The following ADARB2 variants were observed in gnomAD, a reference collection of about 807,000 sequenced individuals.
ADARB2 encodes the protein inactive double-stranded RNA-specific editase B2.
ADARB2 carries 25 observed loss-of-function variants against 62.2 expected under a neutral mutation model. The ratio of observed to expected loss-of-function variants is 0.40; its 90% CI spans 0.29 to 0.56. The LOEUF is 0.56. ADARB2 is among the 20% of genes least tolerant of loss of function. The pLI is 0.43. For synonymous variants in ADARB2, 572 were observed against 500.8 expected, an observed-to-expected ratio of 1.14 and a Z score of -1.90; for missense variants, 1,071 against 1,077.4, an observed-to-expected ratio of 0.99 and a Z score of 0.08.
chr10:1,198,888 C>T (rs1836945298), intron 8 of ADARB2, among the ~76,000 whole-genome samples: 1 of 152,228 alleles, frequency 6.6e-6, no homozygotes, highest in Non-Finnish European at 1.5e-5. Flanking sequence ...GCTCCGTTGA[C>T]GGTGGCTTGG....
intron 1 of ADARB2, among the ~76,000 whole-genome samples, chr10:1,656,345 A>G (rs1834172068): frequency 6.6e-6 from 1 of 152,196 alleles, no homozygotes; most frequent in Non-Finnish European, 1.5e-5. Flanking sequence ...CCAGCCTCCC[A>G]GGGTCCACGT....
intron 1 of ADARB2, among the ~76,000 whole-genome samples, chr10:1,682,027 G>A (rs1383545653): frequency 3.9e-5 from 6 of 152,164 alleles, no homozygotes; most frequent in African/African-American, 9.7e-5. Flanking sequence ...TTTAACAGAC[G>A]CATATTTATG....
At chr10:1,567,919 C>T (rs1029091733) in intron 1 of ADARB2, among the ~76,000 whole-genome samples, 3 of 152,214 alleles carry the variant, frequency 2.0e-5, no homozygotes, top group African/African-American at 7.2e-5. Flanking sequence ...TGCCCTTTGC[C>T]TCCTGCCTGC....
chr10:1,465,940 A>G (rs1035842256), intron 1 of ADARB2, among the ~76,000 whole-genome samples: 1 of 152,240 alleles, frequency 6.6e-6, no homozygotes, highest in African/African-American at 2.4e-5. Context: ...CTGTTGCAAT[A>G]AACTGCTTTC....
At chr10:1,551,218 A>G (rs1370780874) in intron 1 of ADARB2, among the ~76,000 whole-genome samples, 4 of 152,212 alleles carry the variant, frequency 2.6e-5, no homozygotes, top group Non-Finnish European at 5.9e-5. Flanking sequence ...GAGAGGCCTC[A>G]GGAGGAACCA....
At chr10:1,287,463 T>C (rs1232438168) in intron 3 of ADARB2, among the ~76,000 whole-genome samples, 1 of 152,184 alleles carries the variant, frequency 6.6e-6, no homozygotes, top group Non-Finnish European at 1.5e-5. Context: ...CCATGCTGTG[T>C]GACAGATCCC....
chr10:1,626,478 G>T (rs769867075), intron 1 of ADARB2, among the ~76,000 whole-genome samples: 20 of 152,274 alleles, frequency 1.3e-4, no homozygotes, highest in Non-Finnish European at 2.6e-4. Context: ...GAACTCCGGG[G>T]CTTCCTCTGC....
At chr10:1,631,911 C>T (rs1833848573) in intron 1 of ADARB2, among the ~76,000 whole-genome samples, 1 of 152,198 alleles carries the variant, frequency 6.6e-6, no homozygotes, top group Non-Finnish European at 1.5e-5. Context: ...TCACCTTCTT[C>T]TTCTGAAACT....
chr10:1,302,577 G>A (rs1292263062), intron 3 of ADARB2, among the ~76,000 whole-genome samples: 37 of 139,552 alleles, frequency 2.7e-4, no homozygotes, highest in Middle Eastern at 3.9e-3. Context: ...TGGGGGCAGG[G>A]CACAGACAAA....
chr10:1,190,913 T>C (rs572707849), intron 8 of ADARB2, among the ~76,000 whole-genome samples: 1 of 152,294 alleles, frequency 6.6e-6, no homozygotes, highest in East Asian at 1.9e-4. Flanking sequence ...GGGAGTGAAC[T>C]TCGGGACTGG....
chr10:1,459,950 C>A, intron 1 of ADARB2, among the ~76,000 whole-genome samples: 1 of 143,008 alleles, frequency 7.0e-6, no homozygotes, highest in Non-Finnish European at 1.5e-5. Context: ...GCGTTACGAA[C>A]CTGCCTGTGA....
At chr10:1,636,822 ATATAT>A (rs1163223404) in intron 1 of ADARB2, among the ~76,000 whole-genome samples, 6 of 148,460 alleles carry the variant, frequency 4.0e-5, no homozygotes, top group South Asian at 2.1e-4. Flanking sequence ...TATATATGTC[ATATAT>A]TATATAACAT....
At chr10:1,632,843 C>T (rs1423751574) in intron 1 of ADARB2, among the ~76,000 whole-genome samples, 5 of 152,226 alleles carry the variant, frequency 3.3e-5, no homozygotes, top group Non-Finnish European at 7.3e-5. Context: ...GGGCTTGGGG[C>T]TGCCCAGGGG....
intron 1 of ADARB2, among the ~76,000 whole-genome samples, chr10:1,440,292 G>T (rs1377088616): frequency 6.6e-6 from 1 of 152,178 alleles, no homozygotes; most frequent in Admixed American, 6.5e-5. Context: ...ATTCCAAACT[G>T]AACATGGCCA....
chr10:1,567,891 G>A (rs1314183297), intron 1 of ADARB2, among the ~76,000 whole-genome samples: 2 of 152,182 alleles, frequency 1.3e-5, no homozygotes, highest in African/African-American at 4.8e-5. Flanking sequence ...CCCGGGATCT[G>A]ATCCTGACTC....
chr10:1,375,890 C>G (rs543211610), intron 2 of ADARB2, among the ~76,000 whole-genome samples: 1 of 150,698 alleles, frequency 6.6e-6, no homozygotes, highest in South Asian at 2.1e-4. Context: ...AACTCCCACA[C>G]CACACACGTG....
intron 1 of ADARB2, among the ~76,000 whole-genome samples, chr10:1,628,287 G>T (rs1484228804): frequency 6.6e-6 from 1 of 152,256 alleles, no homozygotes; most frequent in Admixed American, 6.5e-5. Context: ...AACCCTGCTA[G>T]CCGTGGGTAG....
At position 1,538,830 on chromosome 10, in the gene ADARB2, G is replaced by A. The variant is rs185760668; in HGVS notation, c.101-159670C>T. On this transcript the variant is annotated intron_variant, in intron 1 of 9. Transcript: ENST00000381312. ...ATGCCGCCTGACCCTGGCTGCTGCC[G>A]CATGCAGTGGACACTCAGTTCCACC... Among the ~76,000 whole-genome samples, 4 of 152,270 alleles carry A rather than the reference G, an allele frequency of 2.6e-5. No homozygotes were observed. In the East Asian group the frequency reaches 5.8e-4, roughly 22 times the overall value.
At chr10:1,336,372 T>G (rs1266840774) in intron 3 of ADARB2, among the ~76,000 whole-genome samples, 2 of 152,236 alleles carry the variant, frequency 1.3e-5, no homozygotes, top group Non-Finnish European at 2.9e-5. Context: ...CTCAGTGTCT[T>G]AAATACCCGG....
Sources: allele counts gnomAD v4.1 joint callset (sites outside exome capture counted in the v4.1 genomes callset), GRCh38; gene constraint gnomAD v4.1.1; transcripts MANE v1.5; gene names NCBI Gene and HGNC (gene_info 2026-07-23, HGNC 2026-07-21).